TNC: variants seen among roughly 807,000 people sequenced by gnomAD.
TNC encodes tenascin.
TNC carries 109 observed loss-of-function variants against 202.4 expected under a neutral mutation model. That is an observed-to-expected ratio of 0.54 (90% CI 0.46 to 0.63). The LOEUF (loss-of-function observed/expected upper bound fraction) is 0.63. TNC is among the 30% of genes least tolerant of loss of function. The probability of loss-of-function intolerance (pLI) is 0.00; values close to 1 mark genes in which losing one functional copy is unlikely to be tolerated. For missense variants in TNC, 2,756 were observed against 2,833.3 expected (o/e 0.97, Z 0.62); for synonymous variants, 1,007 against 1,089.7 (o/e 0.92, Z 1.50).
Position 115,059,810 on chromosome 9 carries a change from G to A in TNC, c.4226C>T (p.Ala1409Val), listed in dbSNP as rs1188998179. ...GATGGAGACTCTATAAGGCGTGGCAGCCTCGAGGCCCGGGATGTCCACAGC... is the reference window on the plus strand; with the variant it reads ...GATGGAGACTCTATAAGGCGTGGCAACCTCGAGGCCCGGGATGTCCACAGC... The part of the protein sequence containing the change: ...LRAVDIPGLE[A>V]ATPYRVSIYG... The change falls in exon 14 of 28, where the codon GCT (alanine) becomes GTT (valine). Residue 1409 changes from alanine (A) to valine (V), a missense_variant. This residue lies in a region of TNC where 2,559 missense variants were observed against 2,546.0 expected (regional missense o/e 1.01). Transcript: ENST00000350763. 2 of 1,614,132 alleles carry A rather than the reference G, an allele frequency of 1.2e-6. No homozygotes were observed. Among genetic ancestry groups the A allele is most frequent in the East Asian group, 2.2e-5 (1 of 44,860 alleles).
At chr9:115,072,277 C>T (rs1833525167) in intron 10 of TNC, among the ~76,000 whole-genome samples, 1 of 152,136 alleles carries the variant, frequency 6.6e-6, no homozygotes, top group South Asian at 2.1e-4. Context: ...ATTACAGCAG[C>T]CATGTTGTGA....
rs199599843 is a variant in TNC, at chr9:115,064,832, T to C, written c.3302A>G (p.Tyr1101Cys). The C allele has an allele frequency of 8.1e-6, 13 of 1,614,168 alleles. No homozygotes were observed. The Admixed American group carries it at 1.8e-4, about 23-fold the overall frequency. ...CTGCACCTGAATGATAAAGTGCTCA[T>C]AGGCCTGGTCAGCTGCGGTCCAGTT... ...RLNWTAADQA[Y>C]EHFIIQVQEA... Residue 1101 changes from tyrosine to cysteine, a missense_variant, in exon 11 of 28, where the codon TAT becomes TGT. This residue lies in a region of TNC where 2,559 missense variants were observed against 2,546.0 expected (regional missense o/e 1.01). Transcript: ENST00000350763.
chr9:115,111,902 C>G (rs1837100895), intron 1 of TNC, among the ~76,000 whole-genome samples: 1 of 152,080 alleles, frequency 6.6e-6, no homozygotes, highest in Admixed American at 6.5e-5. Context: ...CCCAATTCAG[C>G]CTTTAGATGA....
intron 18 of TNC, among the ~76,000 whole-genome samples, chr9:115,041,689 T>G (rs1830769869): frequency 6.6e-6 from 1 of 152,224 alleles, no homozygotes; most frequent in East Asian, 1.9e-4. Context: ...TTTATACACT[T>G]TCAGCAACAG....
At chr9:115,048,131 A>T in intron 16 of TNC, 129 bp downstream of exon 16, 1 of 1,183,760 alleles carries the variant, frequency 8.4e-7, no homozygotes, top group South Asian at 1.5e-5. Flanking sequence ...AGAAGGTGAA[A>T]CAGTAGACTA....
In TNC at chr9:115,038,324, C is replaced by A. The variant is rs1830484628; in HGVS notation, c.5449G>T (p.Ala1817Ser). The change falls in exon 20 of 28, where the codon GCC becomes TCC. Residue 1817 changes from alanine to serine, a missense_variant. By Grantham distance (99) the Ala-to-Ser change is moderately conservative (BLOSUM62 1). Coordinates refer to ENST00000350763, the MANE Select transcript of TNC (RefSeq NM_002160.4). The part of the protein sequence containing the change: ...TANITDSEAL[A>S]RWQPAIATVD... ...GTGGCAATGGCTGGCTGCCACCTGG[C>A]CAAGGCTTCTGAGTCAGTGATGTTG... is the stretch of plus-strand genomic sequence containing the variant. 5 of 1,614,178 alleles carry A rather than the reference C, an allele frequency of 3.1e-6. No homozygotes were observed. In the South Asian group the frequency reaches 5.5e-5, roughly 18 times the overall value.
At chr9:115,035,404 C>T (rs1830251173) in intron 21 of TNC, 70 bp from the exon 22 acceptor site, 1 of 1,525,196 alleles carries the variant, frequency 6.6e-7, no homozygotes, top group African/African-American at 1.4e-5. Flanking sequence ...GGCTGGGTAT[C>T]AAGAAGACTG....
chr9:115,092,393 T>C (rs1389712258), intron 1 of TNC, among the ~76,000 whole-genome samples: 2 of 152,132 alleles, frequency 1.3e-5, no homozygotes, highest in African/African-American at 2.4e-5. Flanking sequence ...AAAAGGGGAC[T>C]TGTTAGAGGC....
chr9:115,036,142 T>C lies in TNC; in HGVS notation c.5612A>G (p.Lys1871Arg). Residue 1871 changes from lysine to arginine, a missense_variant, in exon 21 of 28, where the codon AAA becomes AGA. Transcript: ENST00000350763. ...GATGGTTGAGCTCTTCTGGGGCCCT[T>C]TCTCTGCAAAGATTCTCAGTGTGTA... The part of the protein sequence containing the change: ...TEYTLRIFAE[K>R]GPQKSSTITA... The C allele has an allele frequency of 6.2e-7, 1 of 1,614,194 alleles. No homozygotes were observed. Among genetic ancestry groups the C allele is most frequent in the Non-Finnish European group, 8.5e-7 (1 of 1,180,010 alleles).
At position 115,087,257 on chromosome 9, in the gene TNC, C is replaced by A. The variant is rs1431000816; in HGVS notation, c.474G>T (p.Arg158Ser). The change falls in exon 3 of 28, where the codon AGG becomes AGT. Residue 158 changes from arginine (R) to serine (S), a missense_variant. This residue lies in a region of TNC where 2,559 missense variants were observed against 2,546.0 expected (regional missense o/e 1.01). Transcript: ENST00000350763. ...AGTTGCCCCGACCGCTACAGAAGGG[C>A]CTGGTGTCCAAGCGGCCTGCAACAA... ...LQPATGRLDT[R>S]PFCSGRGNFS... 6.2e-7 allele frequency: 1 copy of A among 1,612,304 alleles called. No individual in the cohort carries two copies. The highest frequency in any genetic ancestry group is 1.7e-5 in the Admixed American group (1 of 60,002).
intron 9 of TNC, among the ~76,000 whole-genome samples, chr9:115,074,813 C>G (rs777211926): frequency 6.6e-6 from 1 of 152,074 alleles, no homozygotes; most frequent in Admixed American, 6.6e-5. Flanking sequence ...CACACACATA[C>G]GAATGAGTGT....
At chr9:115,092,769 A>G (rs1835329778) in intron 1 of TNC, among the ~76,000 whole-genome samples, 2 of 146,928 alleles carry the variant, frequency 1.4e-5, no homozygotes, top group Admixed American at 1.4e-4. Context: ...TTTTTTTAGT[A>G]GAGTTGGAGT....
chr9:115,082,903 A>G (rs1299059486), intron 4 of TNC, 96 bp from the exon 5 acceptor site: 1 of 809,946 alleles, frequency 1.2e-6, no homozygotes, highest in East Asian at 2.5e-5. Context: ...GATGTCTGCA[A>G]CAGTCAGGGG....
chr9:115,101,645 G>A (rs1048578926), intron 1 of TNC, among the ~76,000 whole-genome samples: 4 of 152,206 alleles, frequency 2.6e-5, no homozygotes, highest in South Asian at 4.1e-4. Flanking sequence ...TTTCAAGAGC[G>A]AAATGCTATT....
intron 16 of TNC, among the ~76,000 whole-genome samples, chr9:115,047,481 A>G (rs1831294469): frequency 6.6e-6 from 1 of 152,116 alleles, no homozygotes; most frequent in African/African-American, 2.4e-5. Flanking sequence ...TCCTTTGTCA[A>G]ATAAGTTTGG....
chr9:115,052,163 C>T (rs1184635923), intron 15 of TNC, among the ~76,000 whole-genome samples: 7 of 151,348 alleles, frequency 4.6e-5, no homozygotes, highest in East Asian at 1.9e-4. Flanking sequence ...TTCAACAACA[C>T]GGATGAACCC....
chr9:115,040,912 C>CACAT (rs1336783159), intron 19 of TNC, 29 bp downstream of exon 19: 4 of 1,593,774 alleles, frequency 2.5e-6, no homozygotes, highest in Non-Finnish European at 3.4e-6. Context: ...TAGTAACACA[C>CACAT]ACACACACAC....
At position 115,059,820 on chromosome 9, in the gene TNC, C is replaced by T. The variant is rs761233545; in HGVS notation, c.4216G>A (p.Gly1406Ser). 1.2e-6 allele frequency: 2 copies of T among 1,613,966 alleles called. No individual in the cohort carries two copies. The highest frequency in any genetic ancestry group is 1.7e-6 in the Non-Finnish European group (2 of 1,180,020). Residue 1406 changes from glycine to serine, a missense_variant, in exon 14 of 28, where the codon GGC (glycine) becomes AGC (serine). Transcript: ENST00000350763. Reference sequence around the variant, plus strand: ...CTATAAGGCGTGGCAGCCTCGAGGCCCGGGATGTCCACAGCCCTGAGGCTG... The same window carrying T: ...CTATAAGGCGTGGCAGCCTCGAGGCTCGGGATGTCCACAGCCCTGAGGCTG... ...PGSLRAVDIP[G>S]LEAATPYRVS... is the part of the protein sequence containing the mutation.
At chr9:115,061,450 A>C (rs1432122724) in intron 13 of TNC, among the ~76,000 whole-genome samples, 5 of 152,214 alleles carry the variant, frequency 3.3e-5, no homozygotes, top group African/African-American at 1.2e-4. Context: ...TGCTAAAAAC[A>C]AAAGTTTGCG....
Sources: gnomAD v4.1 joint callset for allele counts (sites outside exome capture counted in the v4.1 genomes callset) on GRCh38, gnomAD v4.1.1 for gene constraint, gnomAD v4.1.1 regional missense constraint, MANE v1.5 for transcripts, NCBI Gene and HGNC (gene_info 2026-07-23, HGNC 2026-07-21) for gene names.